REST: variants seen among roughly 807,000 people sequenced by gnomAD.
REST encodes RE1 silencing transcription factor.
A neutral mutation model predicts 30.4 loss-of-function variants in REST; 1 was observed. The ratio of observed to expected loss-of-function variants is 0.03; its 90% confidence interval spans 0.01 to 0.16. The LOEUF is 0.16. REST is among the 10% of genes least tolerant of loss of function. REST has a pLI of 1.00. For missense variants in REST, 1,259 were observed against 1,329.5 expected (o/e 0.95, Z 0.82); for synonymous variants, 504 against 451.1 (o/e 1.12, Z -1.49).
intron 3 of REST, among the ~76,000 whole-genome samples, chr4:56,923,141 G>C (rs1720528620): frequency 6.6e-6 from 1 of 152,186 alleles, no homozygotes; most frequent in Admixed American, 6.5e-5. Context: ...TTAAAAACTA[G>C]TAGTAGCCAC....
At position 56,912,950 on chromosome 4, in the gene REST, C is replaced by CT. The variant is rs74519023; in HGVS notation, c.898+1429dup. ...GGTGGGCTACCGCACCCAGCCGAAA[C>CT]TTTTTTTTTTTTTTTAATTTCTTTT... On this transcript the variant is annotated intron_variant, in intron 2 of 3. Transcript: ENST00000309042. Among the ~76,000 whole-genome samples the CT allele has an allele frequency of 6.7e-3, 946 of 140,866 alleles. 1 individual carries two copies. Among genetic ancestry groups the CT allele is most frequent in the Middle Eastern group, 0.023 (6 of 262 alleles). 92.4% of individuals were successfully genotyped at this position (140,866 alleles called of 152,430 possible). A position where few individuals can be genotyped will look rare whatever the true frequency, so the allele number is the denominator to read the frequency against.
rs1462392361 is a variant in REST, at chr4:56,932,805, TTATG to T, written c.*655_*658del. 2 of 152,214 alleles carry T rather than the reference TTATG, an allele frequency of 1.3e-5. No individual in the cohort carries two copies. The highest frequency in any genetic ancestry group is 2.9e-5 in the Non-Finnish European group (2 of 68,024). The allele number at this position is 152,214 out of a possible 1,614,324, so 9.4% of individuals were successfully genotyped here. ...ATTTTTTTTTTCTTTTGGTTTCTGT[TTATG>T]TTTTTTTGCCTATGCAGTTAAATTT... On this transcript the variant is annotated 3_prime_UTR_variant, in exon 4 of 4. Transcript: ENST00000309042.
At position 56,910,946 on chromosome 4, in the gene REST, C is replaced by G. The variant is rs751894476; in HGVS notation, c.308C>G (p.Pro103Arg). 7.4e-6 allele frequency: 12 copies of G among 1,613,994 alleles called. No individual in the cohort carries two copies. In the East Asian group the frequency reaches 2.5e-4, roughly 33 times the overall value. The change falls in exon 2 of 4, where the codon CCT becomes CGT. Residue 103 changes from proline to arginine, a missense_variant. Physicochemically the swap from Pro to Arg is moderately radical, Grantham distance 103. Transcript: ENST00000309042. ...LEESADIKGE[P>R]HGLENMELRS... is the part of the protein sequence containing the mutation. The stretch of plus-strand genomic sequence containing the variant: ...GAGTCTGCTGATATAAAAGGTGAAC[C>G]TCATGGACTGGAAAACATGGAACTG...
Position 56,930,667 on chromosome 4 carries a change from G to A in REST, c.1809G>A (p.Lys603=). The A allele has an allele frequency of 1.2e-6, 2 of 1,613,824 alleles. No individual in the cohort carries two copies. The highest frequency in any genetic ancestry group is 1.1e-5 in the South Asian group (1 of 91,060). The change falls in exon 4 of 4, where the codon AAG becomes AAA. Residue 603 remains lysine (K), a synonymous_variant. Coordinates refer to ENST00000309042, the MANE Select transcript of REST (RefSeq NM_005612.5). ...CTCCTCAGAAGGAACCTGTTGAGAAGGGATCTGCTCAGATGGACCCTCCTC... is the reference window on the plus strand; with the variant it reads ...CTCCTCAGAAGGAACCTGTTGAGAAAGGATCTGCTCAGATGGACCCTCCTC... The part of the protein sequence containing the change: ...SKPPQKEPVE[K]GSAQMDPPQM...
In REST at chr4:56,907,972, C is replaced by T; in HGVS notation, c.-251C>T. On this transcript the variant is annotated 5_prime_UTR_variant, in exon 1 of 4. Transcript: ENST00000309042. ...CGCGGCGCAGCAGCGGAGCGAGCGC[C>T]GCCGAGGCCCGGGGCCCCAGACCCT... 2.8e-6 allele frequency: 1 copy of T among 358,832 alleles called. No homozygotes were observed. The highest frequency in any genetic ancestry group is 5.0e-6 in the Non-Finnish European group (1 of 200,662). The allele number at this position is 358,832 out of a possible 1,614,324, so 22.2% of individuals were successfully genotyped here.
chr4:56,918,773 C>T (rs898859045), intron 2 of REST, among the ~76,000 whole-genome samples: 1 of 151,962 alleles, frequency 6.6e-6, no homozygotes, highest in African/African-American at 2.4e-5. Context: ...TGGGCTCAAG[C>T]AATCCTCCCA....
intron 1 of REST, 106 bp from the exon 2 acceptor site, chr4:56,910,524 C>T: frequency 2.2e-6 from 2 of 921,568 alleles, no homozygotes; most frequent in Non-Finnish European, 3.2e-6. Flanking sequence ...TTATAAAGAT[C>T]ATACTGGAAA....
chr4:56,921,639 G>A (rs1044081238), intron 3 of REST, among the ~76,000 whole-genome samples: 1 of 152,022 alleles, frequency 6.6e-6, no homozygotes, highest in African/African-American at 2.4e-5. Context: ...CGAACTCCTG[G>A]CCTAAAGTGG....
At chr4:56,925,318 T>C (rs1157680775) in intron 3 of REST, among the ~76,000 whole-genome samples, 1 of 152,116 alleles carries the variant, frequency 6.6e-6, no homozygotes, top group African/African-American at 2.4e-5. Flanking sequence ...GCTCAAACGA[T>C]CCTCCCACCT....
chr4:56,919,911 T>C (rs563280032), intron 3 of REST, 41 bp downstream of exon 3: 3 of 1,054,130 alleles, frequency 2.8e-6, no homozygotes, highest in African/African-American at 3.1e-5. Flanking sequence ...TTTCAGTAAA[T>C]GACCATTTTA....
rs185057702 is a variant in REST at position 56,912,755 on chromosome 4, G to A, written c.898+1219G>A. Among the ~76,000 whole-genome samples, 962 of 148,180 alleles carry A rather than the reference G, an allele frequency of 6.5e-3. 6 individuals carry two copies. Among genetic ancestry groups the A allele is most frequent in the Middle Eastern group, 0.04 (11 of 274 alleles). On this transcript the variant is annotated intron_variant, in intron 2 of 3. Transcript: ENST00000309042. Reference sequence around the variant, plus strand: ...TCTTGAACTCCTGACCTCGTGATCCGCCCACCTCAGCCTCCCAGAATGCTG... The same window carrying A: ...TCTTGAACTCCTGACCTCGTGATCCACCCACCTCAGCCTCCCAGAATGCTG...
At chr4:56,921,865 T>G (rs1412678799) in intron 3 of REST, among the ~76,000 whole-genome samples, 1 of 152,232 alleles carries the variant, frequency 6.6e-6, no homozygotes, top group Non-Finnish European at 1.5e-5. Flanking sequence ...TTTTAACTGT[T>G]TCCTTTTTAC....
At position 56,933,686 on chromosome 4, in the gene REST, C is replaced by T. The variant is rs1578519607; in HGVS notation, c.*1534C>T. 1 of 152,166 alleles carries T rather than the reference C, an allele frequency of 6.6e-6. No homozygotes were observed. Among genetic ancestry groups the T allele is most frequent in the Non-Finnish European group, 1.5e-5 (1 of 68,016 alleles). The allele number at this position is 152,166 out of a possible 1,614,324, so 9.4% of individuals were successfully genotyped here. The stretch of plus-strand genomic sequence containing the variant: ...ATGAAAAAGGGCATGTACTCCAAAA[C>T]ATTTTTGTAGGTTCTTTGGCCAGTT... On this transcript the variant is annotated 3_prime_UTR_variant, in exon 4 of 4. Transcript: ENST00000309042.
intron 3 of REST, 145 bp downstream of exon 3, chr4:56,920,015 A>C (rs1267725635): frequency 2.4e-6 from 1 of 415,036 alleles, no homozygotes; most frequent in East Asian, 3.5e-5. Context: ...GTATTCCGTC[A>C]ATCTGGGGAT....
chr4:56,908,506 C>T (rs1719726929), intron 1 of REST, among the ~76,000 whole-genome samples: 1 of 151,868 alleles, frequency 6.6e-6, no homozygotes, highest in South Asian at 2.1e-4. Flanking sequence ...CTGGCCCGGA[C>T]GCTCCACCGA....
intron 2 of REST, among the ~76,000 whole-genome samples, chr4:56,916,387 C>T (rs145725209): frequency 6.6e-6 from 1 of 152,242 alleles, no homozygotes; most frequent in Non-Finnish European, 1.5e-5. Flanking sequence ...GCAGGCTGGG[C>T]GAGATGGCTC....
In REST at chr4:56,929,869, C is replaced by T. The variant is rs182241679; in HGVS notation, c.1011C>T (p.Cys337=). ...SGEKPFKCDQ[C]SYVASNQHEV... is the part of the protein sequence containing the mutation. ...AGAAGCCATTTAAATGTGATCAGTG[C>T]AGTTATGTGGCCTCTAATCAACATG... Residue 337 remains cysteine, a synonymous_variant, in exon 4 of 4, where the codon TGC becomes TGT. Transcript: ENST00000309042. The T allele has an allele frequency of 1.2e-4, 194 of 1,613,756 alleles. No individual in the cohort carries two copies. Among genetic ancestry groups the T allele is most frequent in the Admixed American group, 4.2e-4 (25 of 59,916 alleles).
At chr4:56,921,218 A>G (rs986234868) in intron 3 of REST, among the ~76,000 whole-genome samples, 2 of 152,126 alleles carry the variant, frequency 1.3e-5, no homozygotes, top group African/African-American at 4.8e-5. Context: ...CTGTGGGAAA[A>G]GTATCTTAAA....
Position 56,923,967 on chromosome 4 carries a change from C to T in REST, c.982+4097C>T, listed in dbSNP as rs113453291. ...TGATCTCCTGACCTCATGATCTGCC[C>T]GCCTCAGCCTCCCAAAGTGCTGGGA... On this transcript the variant is annotated intron_variant, in intron 3 of 3. Transcript: ENST00000309042. Among the ~76,000 whole-genome samples, 697 of 152,098 alleles carry T rather than the reference C, an allele frequency of 4.6e-3. 4 individuals carry two copies. Among genetic ancestry groups the T allele is most frequent in the Non-Finnish European group, 7.3e-3 (498 of 68,002 alleles).
Sources: gnomAD v4.1 joint callset for allele counts (sites outside exome capture counted in the v4.1 genomes callset) on GRCh38, gnomAD v4.1.1 for gene constraint, MANE v1.5 for transcripts, NCBI Gene and HGNC (gene_info 2026-07-23, HGNC 2026-07-21) for gene names.